The following GLIS3 variants were observed in gnomAD, a reference collection of about 807,000 sequenced individuals.
GLIS3 encodes the protein GLIS family zinc finger 3, also known as zinc finger protein GLIS3.
GLIS3 carries 53 observed loss-of-function variants against 78.6 expected under a neutral mutation model. The observed-to-expected ratio is 0.67, with a 90% CI of 0.54 to 0.85. The LOEUF is 0.85. Among genes scored for constraint, GLIS3 ranks in the 40% least tolerant of loss-of-function variants. The pLI, the probability that GLIS3 is intolerant of heterozygous loss-of-function variation, is 0.00. For synonymous variants in GLIS3, 684 were observed against 509.9 expected (o/e 1.34, Z -4.60); for missense variants, 1,703 against 1,231.1 (o/e 1.38, Z -5.74).
intron 2 of GLIS3, among the ~76,000 whole-genome samples, chr9:4,276,286 T>A (rs1179703046): frequency 8.4e-6 from 1 of 118,438 alleles, no homozygotes; most frequent in African/African-American, 3.3e-5. Context: ...AAGAAAAAAA[T>A]GAGAATAGAG....
chr9:4,224,717 T>C (rs1346694407), intron 2 of GLIS3, among the ~76,000 whole-genome samples: 1 of 131,464 alleles, frequency 7.6e-6, no homozygotes, highest in Non-Finnish European at 1.6e-5. Flanking sequence ...TTTCATCTTT[T>C]TCTGTTTTTT....
At chr9:4,055,875 A>G (rs1033924589) in intron 4 of GLIS3, among the ~76,000 whole-genome samples, 1 of 152,202 alleles carries the variant, frequency 6.6e-6, no homozygotes, top group African/African-American at 2.4e-5. Context: ...TTTCTTTTGC[A>G]GGTAAAATTG....
At chr9:3,871,977 CA>C (rs1820998105) in intron 8 of GLIS3, among the ~76,000 whole-genome samples, 5 of 152,300 alleles carry the variant, frequency 3.3e-5, no homozygotes, top group Admixed American at 3.3e-4. Flanking sequence ...TAACAGCACC[CA>C]AGTCACTTCC....
chr9:4,344,484 C>G (rs1817875505), intron 2 of GLIS3, among the ~76,000 whole-genome samples: 2 of 152,224 alleles, frequency 1.3e-5, no homozygotes, highest in Admixed American at 1.3e-4. Context: ...GCCTCCTCCT[C>G]TCACCTCTAA....
chr9:3,945,363 C>A (rs547754062), intron 4 of GLIS3, among the ~76,000 whole-genome samples: 1 of 152,284 alleles, frequency 6.6e-6, no homozygotes, highest in Admixed American at 6.5e-5. Context: ...TTATTTCAGA[C>A]TCTTAAGTAC....
intron 4 of GLIS3, among the ~76,000 whole-genome samples, chr9:3,971,532 A>T (rs1422851122): frequency 2.6e-5 from 4 of 152,190 alleles, no homozygotes; most frequent in African/African-American, 9.6e-5. Context: ...ATGAAAAGGG[A>T]TCTATTGCAC....
intron 4 of GLIS3, among the ~76,000 whole-genome samples, chr9:4,017,818 T>C (rs1205066679): frequency 6.6e-6 from 1 of 152,200 alleles, no homozygotes; most frequent in Non-Finnish European, 1.5e-5. Flanking sequence ...ACTAAGTCTC[T>C]GATGAAAAGA....
At chr9:4,380,229 G>C in the GLIS3 span, among the ~76,000 whole-genome samples, 1 of 152,182 alleles carries the variant, frequency 6.6e-6, no homozygotes, top group Non-Finnish European at 1.5e-5. Flanking sequence ...CTTCTTGCCT[G>C]CTAATTAGAC....
At chr9:4,407,960 C>G in the GLIS3 span, among the ~76,000 whole-genome samples, 2 of 152,044 alleles carry the variant, frequency 1.3e-5, no homozygotes, top group African/African-American at 4.8e-5. Context: ...GGGCAAAGAT[C>G]TGAAAAGACA....
At chr9:4,354,375 T>C in the GLIS3 span, among the ~76,000 whole-genome samples, 27 of 152,304 alleles carry the variant, frequency 1.8e-4, no homozygotes, top group Admixed American at 6.5e-4. Flanking sequence ...AGCACCCTGT[T>C]AGCAGGCATG....
intron 4 of GLIS3, among the ~76,000 whole-genome samples, chr9:4,059,825 TGTGTGAGA>T (rs1234898777): frequency 3.7e-4 from 45 of 120,364 alleles, no homozygotes; most frequent in African/African-American, 1.4e-3. Flanking sequence ...TGTGTGTGTG[TGTGTGAGA>T]GAGAGAGAGA....
chr9:3,999,289 A>C (rs1820963945), intron 4 of GLIS3, among the ~76,000 whole-genome samples: 1 of 152,164 alleles, frequency 6.6e-6, no homozygotes, highest in African/African-American at 2.4e-5. Context: ...ATCAAGGTAA[A>C]CCTTTAAAAG....
chr9:4,473,454 C>CACCAAAAAAA, the GLIS3 span, among the ~76,000 whole-genome samples: 91 of 58,834 alleles, frequency 1.5e-3, 20 homozygotes, highest in Middle Eastern at 0.032. Context: ...TCAACAACAA[C>CACCAAAAAAA]AACAACAAAA....
chr9:3,960,425 T>C (rs1588319845), intron 4 of GLIS3, among the ~76,000 whole-genome samples: 1 of 152,332 alleles, frequency 6.6e-6, no homozygotes, highest in South Asian at 2.1e-4. Flanking sequence ...TTCTATGTAT[T>C]TCTCCTACAG....
At position 4,271,753 on chromosome 9, in the gene GLIS3, A is replaced by G. The variant is rs562849302; in HGVS notation, c.388+14285T>C. Among the ~76,000 whole-genome samples the G allele has an allele frequency of 3.3e-5, 5 of 152,298 alleles. No individual in the cohort carries two copies. The South Asian group carries it at 6.2e-4, about 19-fold the overall frequency. ...TTGGGGAATCAATGCATTGCAGTAGAAAGCACTGATCTCCTGCTCTGCTCA... is the reference window on the plus strand; with the variant it reads ...TTGGGGAATCAATGCATTGCAGTAGGAAGCACTGATCTCCTGCTCTGCTCA... On this transcript the variant is annotated intron_variant, in intron 2 of 10. Coordinates refer to ENST00000381971, the MANE Select transcript of GLIS3 (RefSeq NM_001042413.2).
chr9:3,899,047 G>A, intron 6 of GLIS3: 8 of 622,750 alleles, frequency 1.3e-5, no homozygotes, highest in Non-Finnish European at 2.3e-5. Flanking sequence ...GAAAAATGTG[G>A]CTAGAGGCGG....
chr9:4,090,667 C>G (rs1054032229), intron 4 of GLIS3, among the ~76,000 whole-genome samples: 1 of 152,194 alleles, frequency 6.6e-6, no homozygotes, highest in Non-Finnish European at 1.5e-5. Flanking sequence ...TATGGCTCCA[C>G]CACTTGGTGG....
intron 2 of GLIS3, among the ~76,000 whole-genome samples, chr9:4,211,015 A>C (rs557659984): frequency 6.6e-6 from 1 of 152,182 alleles, no homozygotes; most frequent in African/African-American, 2.4e-5. Flanking sequence ...TCTCCACTTA[A>C]GTAAATCCTG....
chr9:4,179,226 T>A (rs948415638), intron 2 of GLIS3, among the ~76,000 whole-genome samples: 1 of 152,232 alleles, frequency 6.6e-6, no homozygotes, highest in African/African-American at 2.4e-5. Context: ...TATTAGCAAT[T>A]TGAAAGCACA....
Sources: gnomAD v4.1 joint callset for allele counts (sites outside exome capture counted in the v4.1 genomes callset) on GRCh38, gnomAD v4.1.1 for gene constraint, MANE v1.5 for transcripts, NCBI Gene and HGNC (gene_info 2026-07-23, HGNC 2026-07-21) for gene names.